The following ALG3 variants were observed in gnomAD, a reference collection of about 807,000 sequenced individuals.
ALG3 encodes the protein ALG3 alpha-1,3- mannosyltransferase.
In ALG3, 39 loss-of-function variants were observed where a neutral mutation model predicts 50.5. The ratio of observed to expected loss-of-function variants is 0.77; its 90% CI spans 0.60 to 1.01. The LOEUF (loss-of-function observed/expected upper bound fraction) is 1.01. ALG3 is among the 50% of genes least tolerant of loss of function. The probability of loss-of-function intolerance (pLI) is 0.00; values close to 1 mark genes in which losing one functional copy is unlikely to be tolerated. For missense variants in ALG3, 520 were observed against 554.8 expected, an observed-to-expected ratio of 0.94 and a Z score of 0.63; for synonymous variants, 252 against 237.2, an observed-to-expected ratio of 1.06 and a Z score of -0.58.
intron 1 of ALG3, 98 bp downstream of exon 1, chr3:184,248,647 G>A (rs189152482): frequency 8.8e-7 from 1 of 1,132,816 alleles, no homozygotes; most frequent in East Asian, 2.5e-5. Context: ...CGAGTGAGTG[G>A]ATACAGAGTC....
chr3:184,247,911 T>C (rs1008778230), intron 1 of ALG3, among the ~76,000 whole-genome samples: 11 of 151,626 alleles, frequency 7.3e-5, no homozygotes, highest in African/African-American at 1.9e-4. Context: ...AGTGGCGTGA[T>C]CTCGGCTCAC....
Position 184,242,467 on chromosome 3 carries a change from C to G in ALG3, c.*47G>C, listed in dbSNP as rs752206244. On this transcript the variant is annotated 3_prime_UTR_variant, in exon 9 of 9. Transcript: ENST00000397676. ...TTTGGAAGGGCAGAGTCCAACCAAC[C>G]CCAGGTCCTGAGGGTAGACTCAGGT... 6 of 1,595,138 alleles carry G rather than the reference C, an allele frequency of 3.8e-6. No homozygotes were observed. The highest frequency in any genetic ancestry group is 5.1e-6 in the Non-Finnish European group (6 of 1,170,922).
rs1386839764 is a variant in ALG3, at chr3:184,242,639, T to G, written c.1192A>C (p.Thr398Pro). ...VLGLIELSWN[T>P]YPSTSCSSAA... is the part of the protein sequence containing the mutation. ...GAGCTGCAGGATGTGGAAGGGTATG[T>G]GTTCCAGGAGAGCTCGATGAGCCCC... The change falls in exon 9 of 9, where the codon ACA becomes CCA. Residue 398 changes from threonine to proline, a missense_variant. Around this residue, in one of 3 missense-constraint regions of ALG3, gnomAD observed 224 missense variants for 272.8 expected, o/e 0.82. Transcript: ENST00000397676. The G allele has an allele frequency of 6.4e-7, 1 of 1,569,826 alleles. No individual in the cohort carries two copies. The highest frequency in any genetic ancestry group is 2.3e-5 in the East Asian group (1 of 44,430).
At position 184,243,879 on chromosome 3, in the gene ALG3, C is replaced by T. The variant is rs900661279; in HGVS notation, c.844G>A (p.Ala282Thr). The T allele has an allele frequency of 1.2e-6, 2 of 1,613,986 alleles. No individual in the cohort carries two copies. The highest frequency in any genetic ancestry group is 2.7e-5 in the African/African-American group (2 of 75,030). ...TGGAAGGCTCGATGCAGGAAGAGCG[C>T]CTCTGGGAGGAAGCGCCAGTTCACT... The part of the protein sequence containing the change: ...WTVNWRFLPE[A>T]LFLHRAFHLA... Residue 282 changes from alanine (A) to threonine (T), a missense_variant, in exon 6 of 9, where the codon GCG becomes ACG. By Grantham distance (58) the Ala-to-Thr change is moderately conservative (BLOSUM62 0). Transcript: ENST00000397676.
intron 1 of ALG3, 133 bp from the exon 2 acceptor site, chr3:184,245,945 T>TA (rs1440351691): frequency 7.5e-6 from 5 of 670,612 alleles, no homozygotes; most frequent in Non-Finnish European, 1.3e-5. Context: ...ATCTAACTCT[T>TA]TATCTGACAT....
At chr3:184,247,853 T>TA (rs1372108483) in intron 1 of ALG3, among the ~76,000 whole-genome samples, 1 of 151,330 alleles carries the variant, frequency 6.6e-6, no homozygotes, top group African/African-American at 2.4e-5. Flanking sequence ...CCTTTTTCTT[T>TA]TTTTTTTTTT....
At chr3:184,243,485 G>C in intron 7 of ALG3, 69 bp downstream of exon 7, 1 of 1,492,246 alleles carries the variant, frequency 6.7e-7, no homozygotes, top group African/African-American at 1.4e-5. Flanking sequence ...GCTGTCAAGG[G>C]ATACCTGACC....
chr3:184,248,067 G>A (rs1475551056), intron 1 of ALG3, among the ~76,000 whole-genome samples: 1 of 149,306 alleles, frequency 6.7e-6, no homozygotes, highest in Non-Finnish European at 1.5e-5. Context: ...TGTTAGCCAG[G>A]ATGGCCTCGA....
intron 1 of ALG3, among the ~76,000 whole-genome samples, chr3:184,246,323 G>C (rs1240089331): frequency 1.3e-5 from 2 of 152,112 alleles, no homozygotes; most frequent in Admixed American, 1.3e-4. Context: ...ACACCAAAGA[G>C]CTCCTCCTAA....
chr3:184,248,680 G>T (rs1206416400), intron 1 of ALG3, 65 bp downstream of exon 1: 1 of 1,424,612 alleles, frequency 7.0e-7, no homozygotes, highest in Non-Finnish European at 9.5e-7. Flanking sequence ...CCAGGTCTGA[G>T]ATCCAGTTTG....
At chr3:184,244,189 G>A (rs1028204682) in intron 5 of ALG3, 193 bp from the exon 6 acceptor site, 22 of 612,980 alleles carry the variant, frequency 3.6e-5, no homozygotes, top group South Asian at 8.3e-5. Context: ...AAGCTCAGGA[G>A]GCAGGTCATA....
chr3:184,247,623 C>CCT lies in ALG3; in HGVS notation c.196+1120_196+1121dup, dbSNP rs1318968614. Among the ~76,000 whole-genome samples, 5 of 151,806 alleles carry CCT rather than the reference C, an allele frequency of 3.3e-5. No individual in the cohort carries two copies. In the South Asian group the frequency reaches 6.2e-4, roughly 19 times the overall value. On this transcript the variant is annotated intron_variant, in intron 1 of 8. Coordinates refer to ENST00000397676, the MANE Select transcript of ALG3 (RefSeq NM_005787.6). ...TAGCTGGAGATTTTTAATAGAGGATCCTCTGTCCACAGCACTCCTTCCCCT... is the reference window on the plus strand; with the variant it reads ...TAGCTGGAGATTTTTAATAGAGGATCCTCTCTGTCCACAGCACTCCTTCCCCT...
chr3:184,243,788 C>T lies in ALG3; in HGVS notation c.932+3G>A, dbSNP rs1560162773. ...TGCCCATGGCACTACTGCCTTTTCT[C>T]ACCTGTGCCACCTGCAGAGGGCAAA... is the stretch of plus-strand genomic sequence containing the variant. On this transcript the variant is annotated splice_donor_region_variant and intron_variant, in intron 6 of 8. Transcript: ENST00000397676. 1.9e-6 allele frequency: 3 copies of T among 1,612,174 alleles called. No individual in the cohort carries two copies. Among genetic ancestry groups the T allele is most frequent in the Non-Finnish European group, 2.5e-6 (3 of 1,179,190 alleles).
In ALG3 at chr3:184,248,829, C is replaced by G. The variant is rs763574237; in HGVS notation, c.112G>C (p.Glu38Gln). The G allele has an allele frequency of 5.7e-5, 91 of 1,608,674 alleles. No homozygotes were observed. The African/African-American group carries it at 1.1e-3, about 20-fold the overall frequency. Residue 38 changes from glutamate to glutamine, a missense_variant, in exon 1 of 9, where the codon GAG (glutamate) becomes CAG (glutamine). This residue lies in a region of ALG3 where 290 missense variants were observed against 265.9 expected (regional missense o/e 1.09). Transcript: ENST00000397676. ...GCCACCAGCAGCGTGTAGCGCGGCT[C>G]CCGCAGCAGCAGGCGCCGCTCTTGC... ...AWQERRLLLR[E>Q]PRYTLLVAAC... is the part of the protein sequence containing the mutation.
chr3:184,247,237 C>T (rs890000518), intron 1 of ALG3, among the ~76,000 whole-genome samples: 13 of 151,258 alleles, frequency 8.6e-5, no homozygotes, highest in East Asian at 1.9e-4. Context: ...CCAAGTGATC[C>T]GCCCACCTCA....
rs1718931767 is a variant in ALG3, at chr3:184,243,239, T to C, written c.1010-282A>G. On this transcript the variant is annotated intron_variant, in intron 7 of 8. Transcript: ENST00000397676. Reference sequence around the variant, plus strand: ...ACCTCATGAAGTCTTAATTTTTCCATCTGTAAAATGAGAATAGTAAATGTA... The same window carrying C: ...ACCTCATGAAGTCTTAATTTTTCCACCTGTAAAATGAGAATAGTAAATGTA... 9 of 569,396 alleles carry C rather than the reference T, an allele frequency of 1.6e-5. No homozygotes were observed. The South Asian group carries it at 2.1e-4, about 13-fold the overall frequency. 35.3% of individuals were successfully genotyped at this position (569,396 alleles called of 1,614,324 possible).
At chr3:184,242,744 C>T (rs1422865293) in intron 8 of ALG3, 68 bp from the exon 9 acceptor site, 29 of 1,594,932 alleles carry the variant, frequency 1.8e-5, no homozygotes, top group Middle Eastern at 1.7e-4. Context: ...GCTCCTCATG[C>T]CCTAGACATA....
Position 184,242,362 on chromosome 3 carries a change from G to A in ALG3, c.*152C>T, listed in dbSNP as rs186599528. 3.2e-4 allele frequency: 304 copies of A among 955,582 alleles called. No homozygotes were observed. In the Middle Eastern group the frequency reaches 5.2e-3, roughly 16 times the overall value. The allele number at this position is 955,582 out of a possible 1,614,324, so 59.2% of individuals were successfully genotyped here. ...AGTGAATTCTTTATCTGCTCCATAC[G>A]TGTCCCTCACAGCCTGGACCAGGCA... On this transcript the variant is annotated 3_prime_UTR_variant, in exon 9 of 9. Transcript: ENST00000397676.
upstream of ALG3, chr3:184,249,265 G>A (rs1225039414): frequency 1.9e-6 from 3 of 1,611,828 alleles, no homozygotes; most frequent in Middle Eastern, 1.6e-4. Flanking sequence ...TCCTTCGCCT[G>A]CGCTGGGAAC....
Sources: gnomAD v4.1 joint callset for allele counts (sites outside exome capture counted in the v4.1 genomes callset) on GRCh38, gnomAD v4.1.1 for gene constraint, gnomAD v4.1.1 regional missense constraint, MANE v1.5 for transcripts, NCBI Gene and HGNC (gene_info 2026-07-23, HGNC 2026-07-21) for gene names.